FHIT: variants seen among roughly 807,000 people sequenced by gnomAD.
FHIT encodes fragile histidine triad diadenosine triphosphatase, also known as bis(5'-adenosyl)-triphosphatase.
In FHIT, 19 loss-of-function variants were observed where a neutral mutation model predicts 17.9. The observed-to-expected ratio is 1.06, with a 90% CI of 0.74 to 1.56. The LOEUF is 1.56. Among genes scored for constraint, FHIT ranks in the 40% most tolerant of loss-of-function variants. FHIT has a pLI of 0.00. For missense variants in FHIT, 248 were observed against 189.2 expected, an observed-to-expected ratio of 1.31 and a Z score of -1.82; for synonymous variants, 81 against 69.7, an observed-to-expected ratio of 1.16 and a Z score of -0.81.
chr3:60,384,429 GT>G (rs1223394881), intron 5 of FHIT, among the ~76,000 whole-genome samples: 1 of 152,114 alleles, frequency 6.6e-6, no homozygotes, highest in African/African-American at 2.4e-5. Flanking sequence ...AGATAATCCA[GT>G]TATACACTTT....
intron 5 of FHIT, among the ~76,000 whole-genome samples, chr3:60,534,156 G>A (rs1271206480): frequency 6.6e-6 from 1 of 152,038 alleles, no homozygotes; most frequent in Non-Finnish European, 1.5e-5. Flanking sequence ...GGCCGGGCGC[G>A]GTGGCTCACG....
At chr3:60,121,427 T>G (rs1171482167) in intron 5 of FHIT, among the ~76,000 whole-genome samples, 1 of 152,132 alleles carries the variant, frequency 6.6e-6, no homozygotes, top group Non-Finnish European at 1.5e-5. Context: ...GGCTCATCCC[T>G]GTAATCCCAA....
intron 5 of FHIT, among the ~76,000 whole-genome samples, chr3:60,488,666 T>G (rs909074552): frequency 6.6e-6 from 1 of 152,170 alleles, no homozygotes; most frequent in Non-Finnish European, 1.5e-5. Context: ...CCAGTGTGAC[T>G]AAACAGAACC....
intron 5 of FHIT, among the ~76,000 whole-genome samples, chr3:60,199,160 G>A (rs1702783842): frequency 6.6e-6 from 1 of 151,970 alleles, no homozygotes; most frequent in Non-Finnish European, 1.5e-5. Flanking sequence ...AATTACCTTG[G>A]GACAAAAGTT....
chr3:61,213,713 G>A (rs921383728), intron 1 of FHIT, among the ~76,000 whole-genome samples: 2 of 152,090 alleles, frequency 1.3e-5, no homozygotes, highest in East Asian at 3.8e-4. Flanking sequence ...ATTTTTTTCA[G>A]CACCACACCA....
At chr3:61,211,787 C>T (rs1394336008) in intron 1 of FHIT, among the ~76,000 whole-genome samples, 3 of 152,150 alleles carry the variant, frequency 2.0e-5, no homozygotes, top group Non-Finnish European at 2.9e-5. Context: ...CTCACACGGC[C>T]GGGTACTCCT....
chr3:60,121,620 G>A (rs1022211486), intron 5 of FHIT, among the ~76,000 whole-genome samples: 2 of 152,088 alleles, frequency 1.3e-5, no homozygotes, highest in South Asian at 2.1e-4. Flanking sequence ...GGAGGCGGAG[G>A]TGGCAGTGAG....
chr3:60,626,783 C>CTTTTTTTTTTTTTTTTTT lies in FHIT; in HGVS notation c.-17-89805_-17-89804insAAAAAAAAAAAAAAAAAA, dbSNP rs71627548. Among the ~76,000 whole-genome samples the CTTTTTTTTTTTTTTTTTT allele has an allele frequency of 2.3e-5, 2 of 85,942 alleles. 1 individual carries two copies. Among genetic ancestry groups the CTTTTTTTTTTTTTTTTTT allele is most frequent in the Non-Finnish European group, 5.7e-5 (2 of 35,216 alleles). 56.4% of individuals were successfully genotyped at this position (85,942 alleles called of 152,430 possible). ...TTCTTCCTTATCTTAGGGGAAAACACTCTTTTTTTTTTTTTTTTTTACGTT... is the reference window on the plus strand; with the variant it reads ...TTCTTCCTTATCTTAGGGGAAAACACTTTTTTTTTTTTTTTTTTTCTTTTTTTTTTTTTTTTTTACGTT... On this transcript the variant is annotated intron_variant, in intron 4 of 9. Transcript: ENST00000492590.
At chr3:61,215,185 G>A (rs2039631984) in intron 1 of FHIT, among the ~76,000 whole-genome samples, 3 of 151,982 alleles carry the variant, frequency 2.0e-5, no homozygotes. Context: ...AGGAAATAAA[G>A]GGCATTCAAT....
At chr3:59,805,514 A>G (rs497767) in intron 8 of FHIT, among the ~76,000 whole-genome samples, 124,636 of 152,060 alleles carry the variant, frequency 0.82, 51,545 homozygotes, top group Middle Eastern at 0.95. Context: ...CTGAAGACAA[A>G]GGGTCACAGA....
intron 4 of FHIT, among the ~76,000 whole-genome samples, chr3:60,665,625 T>C (rs899915435): frequency 6.6e-6 from 1 of 152,046 alleles, no homozygotes; most frequent in Non-Finnish European, 1.5e-5. Flanking sequence ...TTGTATGATA[T>C]ATGTTTTTCC....
At chr3:59,803,648 G>C (rs1023205077) in intron 8 of FHIT, among the ~76,000 whole-genome samples, 1 of 152,170 alleles carries the variant, frequency 6.6e-6, no homozygotes, top group Non-Finnish European at 1.5e-5. Flanking sequence ...AAGTAAAGAA[G>C]TTCTGGACCT....
At chr3:60,423,447 T>A (rs1702549205) in intron 5 of FHIT, among the ~76,000 whole-genome samples, 1 of 152,134 alleles carries the variant, frequency 6.6e-6, no homozygotes, top group South Asian at 2.1e-4. Context: ...TAAAGCATGC[T>A]TATATAATTA....
At chr3:60,765,336 C>T (rs1244745312) in intron 4 of FHIT, among the ~76,000 whole-genome samples, 3 of 152,014 alleles carry the variant, frequency 2.0e-5, no homozygotes, top group Non-Finnish European at 4.4e-5. Context: ...GGGAATTTGC[C>T]ACAGAATCAT....
At chr3:60,165,633 ATAAAGATACC>A (rs1701139428) in intron 5 of FHIT, among the ~76,000 whole-genome samples, 1 of 152,200 alleles carries the variant, frequency 6.6e-6, no homozygotes. Flanking sequence ...AAATGAGATT[ATAAAGATACC>A]TATCTTTGCT....
At chr3:60,422,131 C>T (rs151743) in intron 5 of FHIT, among the ~76,000 whole-genome samples, 67,929 of 151,964 alleles carry the variant, frequency 0.45, 15,323 homozygotes, top group African/African-American at 0.48. Flanking sequence ...GTTATCCTTG[C>T]TTATAAGCAG....
intron 5 of FHIT, among the ~76,000 whole-genome samples, chr3:60,309,665 C>G (rs1267132875): frequency 2.6e-5 from 4 of 152,090 alleles, no homozygotes; most frequent in Non-Finnish European, 4.4e-5. Flanking sequence ...CCTCAGTAAG[C>G]CAACAGACTC....
intron 7 of FHIT, among the ~76,000 whole-genome samples, chr3:59,960,029 G>A (rs879772665): frequency 6.6e-6 from 1 of 151,662 alleles, no homozygotes; most frequent in Non-Finnish European, 1.5e-5. Flanking sequence ...GGAAAGAGTG[G>A]TATGAGAAAA....
chr3:59,938,734 T>A (rs1227828150), intron 7 of FHIT, among the ~76,000 whole-genome samples: 1 of 152,200 alleles, frequency 6.6e-6, no homozygotes, highest in Non-Finnish European at 1.5e-5. Flanking sequence ...ATTCCCTTCA[T>A]AAATGAGATT....
Sources: gnomAD v4.1 joint callset for allele counts (sites outside exome capture counted in the v4.1 genomes callset) on GRCh38, gnomAD v4.1.1 for gene constraint, MANE v1.5 for transcripts, NCBI Gene and HGNC (gene_info 2026-07-23, HGNC 2026-07-21) for gene names.